Variants in LRMDA observed in about 807,000 individuals in gnomAD.
LRMDA encodes the protein leucine rich melanocyte differentiation associated.
A neutral mutation model predicts 29.8 loss-of-function variants in LRMDA; 18 were observed. The ratio of observed to expected loss-of-function variants is 0.60; its 90% CI spans 0.42 to 0.90. LRMDA has a LOEUF of 0.90. LRMDA is among the 40% of genes least tolerant of loss of function. The pLI, the probability that LRMDA is intolerant of heterozygous loss-of-function variation, is 0.00. For synonymous variants in LRMDA, 125 were observed against 109.4 expected (o/e 1.14, Z -0.89); for missense variants, 273 against 273.9 (o/e 1.00, Z 0.02).
At chr10:75,838,492 C>T (rs1014053215) in intron 2 of LRMDA, among the ~76,000 whole-genome samples, 2 of 152,118 alleles carry the variant, frequency 1.3e-5, no homozygotes, top group African/African-American at 2.4e-5. Context: ...CAGCTTCGAA[C>T]TCTTGGATTC....
At position 76,448,610 on chromosome 10, in the gene LRMDA, ATTAT is replaced by A. The variant is rs1842376136; in HGVS notation, c.602-108596_602-108593del. Among the ~76,000 whole-genome samples the A allele has an allele frequency of 3.3e-5, 5 of 152,124 alleles. No individual in the cohort carries two copies. The South Asian group carries it at 1.0e-3, about 32-fold the overall frequency. ...GAAATATTCCGATATCTCTTTTGATATTATTTCTTAAATTCTAATTCTTTAGCTG... is the reference window on the plus strand; with the variant it reads ...GAAATATTCCGATATCTCTTTTGATATTCTTAAATTCTAATTCTTTAGCTG... On this transcript the variant is annotated intron_variant, in intron 6 of 6. Transcript: ENST00000611255.
intron 2 of LRMDA, among the ~76,000 whole-genome samples, chr10:75,685,844 A>G (rs1842075218): frequency 6.6e-6 from 1 of 152,242 alleles, no homozygotes; most frequent in East Asian, 1.9e-4. Flanking sequence ...TAATCACAAT[A>G]ACAAACAAAA....
At chr10:75,495,921 A>T (rs977190974) in intron 2 of LRMDA, among the ~76,000 whole-genome samples, 1 of 152,192 alleles carries the variant, frequency 6.6e-6, no homozygotes, top group Non-Finnish European at 1.5e-5. Flanking sequence ...AGGCAGGATG[A>T]TGTTGCAGAT....
intron 6 of LRMDA, among the ~76,000 whole-genome samples, chr10:76,452,613 T>TG (rs1483751138): frequency 6.6e-6 from 1 of 152,160 alleles, no homozygotes; most frequent in Non-Finnish European, 1.5e-5. Context: ...TGACGTATAG[T>TG]GGGCTAGCAA....
At chr10:76,104,127 T>G (rs1421438038) in intron 5 of LRMDA, among the ~76,000 whole-genome samples, 4 of 151,528 alleles carry the variant, frequency 2.6e-5, no homozygotes, top group Non-Finnish European at 1.5e-5. Context: ...AGCTTTTGTG[T>G]GTGTTTGTGT....
chr10:76,489,095 TTTC>T (rs1198988333), intron 6 of LRMDA, among the ~76,000 whole-genome samples: 1 of 151,878 alleles, frequency 6.6e-6, no homozygotes, highest in Non-Finnish European at 1.5e-5. Context: ...AGGATTGGTA[TTTC>T]TTCTTTAAAT....
chr10:76,109,236 T>C (rs1849536183), intron 5 of LRMDA, among the ~76,000 whole-genome samples: 1 of 152,172 alleles, frequency 6.6e-6, no homozygotes, highest in Non-Finnish European at 1.5e-5. Flanking sequence ...AGAAAGATGT[T>C]TGATGACCTT....
At chr10:75,674,304 A>T (rs1279317024) in intron 2 of LRMDA, among the ~76,000 whole-genome samples, 9 of 152,190 alleles carry the variant, frequency 5.9e-5, no homozygotes, top group Admixed American at 1.3e-4. Context: ...GGCAACCCGC[A>T]CAACACCTTT....
intron 2 of LRMDA, among the ~76,000 whole-genome samples, chr10:75,651,503 A>T (rs1407587597): frequency 6.6e-6 from 1 of 152,220 alleles, no homozygotes; most frequent in East Asian, 1.9e-4. Flanking sequence ...TCATTTATTC[A>T]TCCATTCTCT....
chr10:76,023,279 C>T (rs760893152), intron 2 of LRMDA, among the ~76,000 whole-genome samples: 16 of 152,118 alleles, frequency 1.1e-4, no homozygotes, highest in Non-Finnish European at 1.3e-4. Flanking sequence ...GCCCTCTGAG[C>T]GTGTGACGCT....
At chr10:75,598,969 T>A (rs1840843771) in intron 2 of LRMDA, among the ~76,000 whole-genome samples, 1 of 152,134 alleles carries the variant, frequency 6.6e-6, no homozygotes, top group Non-Finnish European at 1.5e-5. Flanking sequence ...TTTTGTGCAT[T>A]CCTTGTCCAT....
At chr10:75,751,180 C>T (rs1031972165) in intron 2 of LRMDA, among the ~76,000 whole-genome samples, 5 of 152,152 alleles carry the variant, frequency 3.3e-5, no homozygotes, top group Non-Finnish European at 7.4e-5. Flanking sequence ...TCAGGCGTGG[C>T]GGCGCGTGCC....
chr10:75,497,661 A>G (rs771451064), intron 2 of LRMDA, among the ~76,000 whole-genome samples: 1 of 148,648 alleles, frequency 6.7e-6, no homozygotes, highest in African/African-American at 2.5e-5. Context: ...CTTTTCCACC[A>G]TGGCTTAATT....
intron 2 of LRMDA, among the ~76,000 whole-genome samples, chr10:75,556,477 G>A (rs4746306): frequency 0.75 from 113,810 of 152,138 alleles, 42,649 homozygotes; most frequent in East Asian, 0.85. Flanking sequence ...ATGATTAATC[G>A]TCACATCTGC....
At chr10:76,544,125 C>T (rs1010912006) in intron 6 of LRMDA, among the ~76,000 whole-genome samples, 42 of 152,122 alleles carry the variant, frequency 2.8e-4, no homozygotes, top group Non-Finnish European at 4.4e-4. Flanking sequence ...AGATTTTGGC[C>T]AAGTAGCAGG....
At chr10:76,441,250 A>C (rs2132291763) in intron 6 of LRMDA, among the ~76,000 whole-genome samples, 1 of 152,266 alleles carries the variant, frequency 6.6e-6, no homozygotes. Context: ...AGTCAATTGG[A>C]CTTAGTTTCT....
intron 2 of LRMDA, among the ~76,000 whole-genome samples, chr10:76,015,608 G>GCTTAGA (rs1847868171): frequency 6.6e-6 from 1 of 152,138 alleles, no homozygotes; most frequent in Non-Finnish European, 1.5e-5. Context: ...GAAGCAAGTC[G>GCTTAGA]AGAGGTCCAG....
intron 2 of LRMDA, among the ~76,000 whole-genome samples, chr10:75,601,527 T>G (rs1176525987): frequency 6.6e-6 from 1 of 151,338 alleles, no homozygotes; most frequent in Non-Finnish European, 1.5e-5. Context: ...TTTTGTTTTG[T>G]TTTGTTTTGT....
chr10:76,560,073 A>G lies in LRMDA; in HGVS notation c.*2785A>G, dbSNP rs991847836. ...TGTTTGTTGCTTTAAATAGAAGCACATTATAAGAGATTATCACTTGATCAG... is the reference window on the plus strand; with the variant it reads ...TGTTTGTTGCTTTAAATAGAAGCACGTTATAAGAGATTATCACTTGATCAG... On this transcript the variant is annotated 3_prime_UTR_variant, in exon 7 of 7. Coordinates refer to ENST00000611255, the MANE Select transcript of LRMDA (RefSeq NM_001305581.2). 18 of 152,170 alleles carry G rather than the reference A, an allele frequency of 1.2e-4. No individual in the cohort carries two copies. Among genetic ancestry groups the G allele is most frequent in the African/African-American group, 3.6e-4 (15 of 41,448 alleles). 9.4% of individuals were successfully genotyped at this position (152,170 alleles called of 1,614,324 possible).
Sources: gnomAD v4.1 joint callset for allele counts (sites outside exome capture counted in the v4.1 genomes callset) on GRCh38, gnomAD v4.1.1 for gene constraint, MANE v1.5 for transcripts, NCBI Gene and HGNC (gene_info 2026-07-23, HGNC 2026-07-21) for gene names.